XXYLT1: variants seen among roughly 807,000 people sequenced by gnomAD.
XXYLT1 encodes the protein UDP-xylose:alpha-xyloside alpha-1,3-xylosyltransferase.
Under a neutral mutation model 28.9 loss-of-function variants are expected in XXYLT1, and 20 were observed. The ratio of observed to expected loss-of-function variants is 0.69; its 90% CI spans 0.49 to 1.00. The LOEUF is 1.00. XXYLT1 is among the 50% of genes least tolerant of loss of function. The pLI, the probability that XXYLT1 is intolerant of heterozygous loss-of-function variation, is 0.00. For missense variants in XXYLT1, 542 were observed against 560.1 expected, an observed-to-expected ratio of 0.97 and a Z score of 0.33; for synonymous variants, 257 against 253.8, an observed-to-expected ratio of 1.01 and a Z score of -0.12.
intron 1 of XXYLT1, among the ~76,000 whole-genome samples, chr3:195,246,303 T>C (rs928107875): frequency 2.0e-5 from 3 of 152,208 alleles, no homozygotes; most frequent in African/African-American, 7.2e-5. Flanking sequence ...TCCAGTGCCC[T>C]CTCTGTGCCA....
rs1404225678 is a variant in XXYLT1 at position 195,168,311 on chromosome 3, T to G, written c.653-11730A>C. The stretch of plus-strand genomic sequence containing the variant: ...GTTTGTTCTCAGAACAGCACAAATA[T>G]ATCATCAGACACAGGAGATATACTC... On this transcript the variant is annotated intron_variant, in intron 2 of 3. Coordinates refer to ENST00000310380, the MANE Select transcript of XXYLT1 (RefSeq NM_152531.5). This position sits in a 1 kb window ranked among gnomAD's most constrained non-coding sequence, Gnocchi z 4.3. Among the ~76,000 whole-genome samples the G allele has an allele frequency of 6.6e-6, 1 of 152,206 alleles. No individual in the cohort carries two copies. Among genetic ancestry groups the G allele is most frequent in the African/African-American group, 2.4e-5 (1 of 41,448 alleles).
At chr3:195,153,201 C>T (rs1347654282) in intron 3 of XXYLT1, among the ~76,000 whole-genome samples, 2 of 152,238 alleles carry the variant, frequency 1.3e-5, no homozygotes, top group African/African-American at 4.8e-5. Context: ...GGTGAACACT[C>T]CAAAGCAGCA....
intron 1 of XXYLT1, among the ~76,000 whole-genome samples, chr3:195,244,896 T>C (rs1317699019): frequency 1.4e-5 from 2 of 140,922 alleles, no homozygotes; most frequent in East Asian, 4.4e-4. Context: ...CCGGGTGCGG[T>C]GGCTCACGCC....
intron 3 of XXYLT1, among the ~76,000 whole-genome samples, chr3:195,132,086 A>G (rs1029280505): frequency 1.3e-5 from 2 of 152,120 alleles, no homozygotes; most frequent in African/African-American, 4.8e-5. Context: ...CCAGCCTGCA[A>G]TACCCAGAGG....
chr3:195,101,422 T>A (rs1716765927), intron 3 of XXYLT1, among the ~76,000 whole-genome samples: 1 of 152,240 alleles, frequency 6.6e-6, no homozygotes, highest in African/African-American at 2.4e-5. Flanking sequence ...CATCCTCTTT[T>A]GCAAAACCAT....
At chr3:195,184,706 A>G in intron 2 of XXYLT1, 1 of 985,452 alleles carries the variant, frequency 1.0e-6, no homozygotes, top group Non-Finnish European at 1.2e-6. Flanking sequence ...CACAGCCGGT[A>G]AAACTTCCAA....
At chr3:195,122,509 G>A (rs1158225728) in intron 3 of XXYLT1, among the ~76,000 whole-genome samples, 1 of 149,372 alleles carries the variant, frequency 6.7e-6, no homozygotes. Flanking sequence ...CAGCAGCTCA[G>A]TGTCTAGCTG....
intron 3 of XXYLT1, among the ~76,000 whole-genome samples, chr3:195,083,184 C>T (rs1560084788): frequency 6.6e-6 from 1 of 152,112 alleles, no homozygotes; most frequent in Admixed American, 6.6e-5. Context: ...CGCATAAGAT[C>T]GCATCTGAAG....
intron 3 of XXYLT1, among the ~76,000 whole-genome samples, chr3:195,079,833 T>C (rs6767698): frequency 0.44 from 66,324 of 151,836 alleles, 16,702 homozygotes; most frequent in East Asian, 0.96. Flanking sequence ...AGGGGCTCTG[T>C]GTAATACAAT....
intron 2 of XXYLT1, among the ~76,000 whole-genome samples, chr3:195,181,267 G>GTGGCTGCA (rs1721938465): frequency 7.0e-6 from 1 of 143,494 alleles, no homozygotes; most frequent in African/African-American, 2.9e-5. Context: ...GTGTATCTGC[G>GTGGCTGCA]TGGCTGCGTG....
chr3:195,074,621 C>G (rs2676909), intron 3 of XXYLT1, among the ~76,000 whole-genome samples: 21,218 of 152,192 alleles, frequency 0.14, 1,642 homozygotes, highest in East Asian at 0.29. Flanking sequence ...CAAGTCCACC[C>G]AGGCCCAGAG....
At chr3:195,088,386 C>G (rs537434959) in intron 3 of XXYLT1, among the ~76,000 whole-genome samples, 11 of 146,292 alleles carry the variant, frequency 7.5e-5, no homozygotes, top group Admixed American at 2.8e-4. Context: ...CCCTGACCCC[C>G]GAGCAGCCTA....
intron 2 of XXYLT1, among the ~76,000 whole-genome samples, chr3:195,224,343 G>A (rs180760327): frequency 6.6e-6 from 1 of 152,146 alleles, no homozygotes; most frequent in African/African-American, 2.4e-5. Flanking sequence ...TTACTGCATC[G>A]ACTGCAAAGC....
chr3:195,204,082 C>T (rs964456981), intron 2 of XXYLT1, among the ~76,000 whole-genome samples: 2 of 152,150 alleles, frequency 1.3e-5, no homozygotes, highest in Admixed American at 6.5e-5. Context: ...CAGTGGCTCA[C>T]GCCTGGAATC....
intron 1 of XXYLT1, among the ~76,000 whole-genome samples, chr3:195,260,682 A>G (rs571958750): frequency 4.5e-4 from 68 of 152,306 alleles, no homozygotes; most frequent in Non-Finnish European, 8.1e-4. Context: ...GGCTGCTGCT[A>G]TCACCTCCCT....
At position 195,124,352 on chromosome 3, in the gene XXYLT1, G is replaced by A. The variant is rs1718509353; in HGVS notation, c.785+32097C>T. Among the ~76,000 whole-genome samples, 1 of 152,238 alleles carries A rather than the reference G, an allele frequency of 6.6e-6. No homozygotes were observed. The highest frequency in any genetic ancestry group is 2.4e-5 in the African/African-American group (1 of 41,462). On this transcript the variant is annotated intron_variant, in intron 3 of 3. Coordinates refer to ENST00000310380, the MANE Select transcript of XXYLT1 (RefSeq NM_152531.5). The surrounding 1 kb of genome is among the most constrained non-coding windows in gnomAD (Gnocchi z 4.1). Reference sequence around the variant, plus strand: ...TGACCAGATGGTTGGGGGCTGGACTGAGATGCTTCTGGGAGAACGATGGGT... The same window carrying A: ...TGACCAGATGGTTGGGGGCTGGACTAAGATGCTTCTGGGAGAACGATGGGT...
intron 2 of XXYLT1, among the ~76,000 whole-genome samples, chr3:195,203,199 C>T (rs1398376985): frequency 1.3e-5 from 2 of 152,014 alleles, no homozygotes; most frequent in African/African-American, 4.8e-5. Context: ...GACAAAAATG[C>T]TTATTTCCTT....
chr3:195,181,259 GTA>G (rs1270407620), intron 2 of XXYLT1, among the ~76,000 whole-genome samples: 16 of 118,892 alleles, frequency 1.3e-4, no homozygotes, highest in African/African-American at 5.8e-4. Flanking sequence ...CACTGGCTGT[GTA>G]TCTGCGTGGC....
rs533830334 is a variant in XXYLT1 at position 195,252,666 on chromosome 3, G to C, written c.504+17889C>G. On this transcript the variant is annotated intron_variant, in intron 1 of 3. Transcript: ENST00000310380. ...TGTGGAGAATCAAGGAAGGTTCCTG[G>C]GAACAATTCAAAAGAAGAAAAAAAA... Among the ~76,000 whole-genome samples the C allele has an allele frequency of 7.0e-5, 9 of 128,626 alleles. No individual in the cohort carries two copies. In the South Asian group the frequency reaches 2.5e-3, roughly 36 times the overall value. 84.4% of individuals were successfully genotyped at this position (128,626 alleles called of 152,430 possible). A position where few individuals can be genotyped will look rare whatever the true frequency, so the allele number is the denominator to read the frequency against.
Sources: allele counts gnomAD v4.1 joint callset (sites outside exome capture counted in the v4.1 genomes callset), GRCh38; gene constraint gnomAD v4.1.1; non-coding constraint Gnocchi (gnomAD v3.1); transcripts MANE v1.5; gene names NCBI Gene and HGNC (gene_info 2026-07-23, HGNC 2026-07-21).